Variants in VSIG1 observed in about 807,000 individuals in gnomAD.
VSIG1 encodes the protein V-set and immunoglobulin domain containing 1.
VSIG1 carries 11 observed loss-of-function variants against 20.1 expected under a neutral mutation model. That is an observed-to-expected ratio of 0.55 (90% confidence interval 0.34 to 0.91). The LOEUF is 0.91. Ranked by LOEUF, VSIG1 falls within the 40% of genes least tolerant of loss-of-function variation. The pLI is 0.02. For synonymous variants in VSIG1, 126 were observed against 116.7 expected, an observed-to-expected ratio of 1.08 and a Z score of -0.52; for missense variants, 283 against 298.8, an observed-to-expected ratio of 0.95 and a Z score of 0.39.
rs1194684108 is a variant in VSIG1 at position 108,073,321 on chromosome X, A to G, written c.640A>G (p.Ile214Val). 1.7e-6 allele frequency: 2 copies of G among 1,209,902 alleles called. No homozygotes were observed. Among genetic ancestry groups the G allele is most frequent in the Non-Finnish European group, 2.2e-6 (2 of 894,949 alleles). The change falls in exon 5 of 7, where the codon ATC becomes GTC. Residue 214 changes from isoleucine to valine, a missense_variant. Physicochemically the swap from Ile to Val is conservative, Grantham distance 29. Transcript: ENST00000217957. ...ACAAGGTTATTACCAGTGTACTGCCATCAACAGACTTGGCAATAGTTCCTG... is the reference window on the plus strand; with the variant it reads ...ACAAGGTTATTACCAGTGTACTGCCGTCAACAGACTTGGCAATAGTTCCTG... ...FEQGYYQCTA[I>V]NRLGNSSCEI...
chrX:108,067,090 A>G lies in VSIG1; in HGVS notation c.368A>G (p.Asp123Gly). The G allele has an allele frequency of 8.3e-7, 1 of 1,211,243 alleles. No homozygotes were observed. Among genetic ancestry groups the G allele is most frequent in the Non-Finnish European group, 1.1e-6 (1 of 895,319 alleles). ...ATCTGCGATGTTAACAACCCCCCAG[A>G]CTTTCTCGGCCAAAACCAAGGCATC... ...IYICDVNNPP[D>G]FLGQNQGILN... The change falls in exon 3 of 7, where the codon GAC (aspartate) becomes GGC (glycine). Residue 123 changes from aspartate (D) to glycine (G), a missense_variant. Physicochemically the swap from Asp to Gly is moderately conservative, Grantham distance 94. Coordinates refer to ENST00000217957, the MANE Select transcript of VSIG1 (RefSeq NM_182607.5).
intron 5 of VSIG1, among the ~76,000 whole-genome samples, chrX:108,074,244 T>A (rs1355332509): frequency 8.9e-6 from 1 of 112,351 alleles, no homozygotes; most frequent in Non-Finnish European, 1.9e-5. Context: ...CTTCCTTTTA[T>A]TTCTCCTGAA....
intron 5 of VSIG1, among the ~76,000 whole-genome samples, chrX:108,074,025 T>G (rs1287992632): frequency 8.9e-6 from 1 of 111,847 alleles, no homozygotes; most frequent in East Asian, 2.8e-4. Flanking sequence ...ACTCTCTGAG[T>G]GTAAGATTTA....
upstream of VSIG1, among the ~76,000 whole-genome samples, chrX:108,041,124 G>A (rs1040948912): frequency 9.3e-6 from 1 of 107,515 alleles, no homozygotes; most frequent in Non-Finnish European, 1.9e-5. Flanking sequence ...AATACTGGGG[G>A]CAGTAGCATA....
chrX:108,058,744 G>A (rs1282178457), intron 2 of VSIG1, among the ~76,000 whole-genome samples: 2 of 111,632 alleles, frequency 1.8e-5, no homozygotes, highest in East Asian at 5.6e-4. Flanking sequence ...TGAGGATAGA[G>A]GACAGGGGAT....
At chrX:108,027,164 C>T in the VSIG1 span, among the ~76,000 whole-genome samples, 11 of 111,512 alleles carry the variant, frequency 9.9e-5, no homozygotes, top group Non-Finnish European at 1.9e-4. Context: ...AGCATTTTTA[C>T]TCCTAAATAT....
At chrX:108,031,551 A>G in the VSIG1 span, among the ~76,000 whole-genome samples, 2 of 111,819 alleles carry the variant, frequency 1.8e-5, no homozygotes, top group African/African-American at 6.5e-5. Context: ...GATGTTGGCA[A>G]TCGTAGCCAT....
intron 3 of VSIG1, 147 bp from the exon 4 acceptor site, chrX:108,072,530 G>C (rs914539123): frequency 4.9e-5 from 27 of 552,109 alleles, no homozygotes; most frequent in African/African-American, 4.5e-4. Context: ...TGGGATTACA[G>C]GCATGAGCCA....
At position 108,057,793 on chromosome X, in the gene VSIG1, G is replaced by T. The variant is rs753912624; in HGVS notation, c.50-245G>T. Among the ~76,000 whole-genome samples the T allele has an allele frequency of 2.7e-5, 3 of 111,061 alleles. No individual in the cohort carries two copies. The South Asian group carries it at 1.1e-3, about 42-fold the overall frequency. On this transcript the variant is annotated intron_variant, in intron 1 of 6. Transcript: ENST00000217957. ...GCCCTTAACACAGAAGAAATTCTCA[G>T]TTCAGTGTTATTACCACACCATCAT...
At position 108,077,232 on chromosome X, in the gene VSIG1, A is replaced by G. The variant is rs758754990; in HGVS notation, c.1015A>G (p.Met339Val). ...AGAGCCTGCCCCAGGATCAGAGCCT[A>G]TGGCAGTGCCTGACCTTGACATCGA... The part of the protein sequence containing the change: ...APEPAPGSEP[M>V]AVPDLDIELE... Residue 339 changes from methionine to valine, a missense_variant, in exon 7 of 7, where the codon ATG (methionine) becomes GTG (valine). Transcript: ENST00000217957. 80 of 1,210,278 alleles carry G rather than the reference A, an allele frequency of 6.6e-5. No homozygotes were observed. Among genetic ancestry groups the G allele is most frequent in the Non-Finnish European group, 8.8e-5 (79 of 895,366 alleles).
intron 1 of VSIG1, among the ~76,000 whole-genome samples, chrX:108,053,728 G>T (rs1293330457): frequency 8.9e-6 from 1 of 111,787 alleles, no homozygotes; most frequent in Non-Finnish European, 1.9e-5. Flanking sequence ...GTTACCCATA[G>T]TACAGTATAA....
chrX:108,074,618 A>G (rs1004831434), intron 5 of VSIG1, among the ~76,000 whole-genome samples: 10 of 112,210 alleles, frequency 8.9e-5, no homozygotes, highest in African/African-American at 3.2e-4. Context: ...ACACAACTAA[A>G]ACATGCTAAA....
chrX:108,053,278 T>G (rs1452644495), intron 1 of VSIG1, among the ~76,000 whole-genome samples: 1 of 112,155 alleles, frequency 8.9e-6, no homozygotes, highest in African/African-American at 3.2e-5. Context: ...ATAAATCATA[T>G]TTGATAATTG....
intron 2 of VSIG1, among the ~76,000 whole-genome samples, chrX:108,059,712 G>A (rs2030982220): frequency 8.9e-6 from 1 of 112,111 alleles, no homozygotes; most frequent in African/African-American, 3.2e-5. Context: ...AGGATGCTCT[G>A]TTAGATTGTA....
At chrX:108,042,711 A>G (rs1010174091), upstream of VSIG1, among the ~76,000 whole-genome samples, 3 of 111,588 alleles carry the variant, frequency 2.7e-5, no homozygotes, top group Non-Finnish European at 5.6e-5. Flanking sequence ...TTAGAAGTCA[A>G]GGCAGAACCA....
the VSIG1 span, among the ~76,000 whole-genome samples, chrX:108,027,984 C>CA: frequency 2.2e-3 from 239 of 108,324 alleles, 1 homozygote; most frequent in African/African-American, 7.8e-3. Flanking sequence ...ATATATAAAC[C>CA]AAAAAAAAAG....
Position 108,076,167 on chromosome X carries a change from A to C in VSIG1, c.779A>C (p.Lys260Thr), listed in dbSNP as rs1266617584. Residue 260 changes from lysine (K) to threonine (T), a missense_variant, in exon 6 of 7, where the codon AAG becomes ACG. Transcript: ENST00000217957. ...IISVVCFARN[K>T]AKAKAKERNS... ...TCTGTTGTGTGCTTCGCAAGGAATA[A>C]GGCAAAAGCAAAGGCAAAAGAAAGA... 3.3e-6 allele frequency: 4 copies of C among 1,209,624 alleles called. No individual in the cohort carries two copies. The highest frequency in any genetic ancestry group is 3.4e-6 in the Non-Finnish European group (3 of 894,813).
chrX:108,067,909 CCTCAA>C (rs1250480324), intron 3 of VSIG1, among the ~76,000 whole-genome samples: 1 of 112,024 alleles, frequency 8.9e-6, no homozygotes, highest in African/African-American at 3.2e-5. Flanking sequence ...GGCTGCCAAT[CCTCAA>C]CTCTTACAGA....
chrX:108,049,190 C>T (rs1435468362), intron 1 of VSIG1, among the ~76,000 whole-genome samples: 2 of 112,247 alleles, frequency 1.8e-5, no homozygotes, highest in African/African-American at 3.2e-5. Flanking sequence ...TTTGAAATTA[C>T]CATCCTAATT....
Sources: allele counts gnomAD v4.1 joint callset (sites outside exome capture counted in the v4.1 genomes callset), GRCh38; gene constraint gnomAD v4.1.1; transcripts MANE v1.5; gene names NCBI Gene and HGNC (gene_info 2026-07-23, HGNC 2026-07-21).